SLC38A4: variants seen among roughly 807,000 people sequenced by gnomAD.
SLC38A4 encodes sodium-coupled neutral amino acid transporter 4.
Under a neutral mutation model 63.1 loss-of-function variants are expected in SLC38A4, and 20 were observed. The ratio of observed to expected loss-of-function variants is 0.32; its 90% CI spans 0.22 to 0.46. The LOEUF (loss-of-function observed/expected upper bound fraction) is 0.46, where lower values mean the gene tolerates loss of function less well. Among genes scored for constraint, SLC38A4 ranks in the 20% least tolerant of loss-of-function variants. SLC38A4 has a pLI of 1.00. For synonymous variants in SLC38A4, 230 were observed against 225.5 expected (o/e 1.02, Z -0.18); for missense variants, 526 against 663.6 (o/e 0.79, Z 2.28).
chr12:46,826,009 A>C (rs914006859), upstream of SLC38A4: 2 of 152,266 alleles, frequency 1.3e-5, no homozygotes, highest in Non-Finnish European at 2.9e-5. Context: ...GCCGCCCAGG[A>C]CGTGCGGTCA....
chr12:46,821,539 C>G (rs1939550976), intron 1 of SLC38A4, among the ~76,000 whole-genome samples: 1 of 151,948 alleles, frequency 6.6e-6, no homozygotes, highest in Non-Finnish European at 1.5e-5. Context: ...ATGCCAATAC[C>G]ATACAGCTTT....
chr12:46,823,424 A>G (rs544082958), intron 1 of SLC38A4, among the ~76,000 whole-genome samples: 2 of 152,358 alleles, frequency 1.3e-5, no homozygotes, highest in East Asian at 3.9e-4. Context: ...GACTCAGAAA[A>G]GCAGATCTAC....
chr12:46,784,563 T>A lies in SLC38A4; in HGVS notation c.472A>T (p.Ile158Phe). Reference protein sequence around the residue: ...WPGKIGAFVSITMQNIGAMSS... With the variant: ...WPGKIGAFVSFTMQNIGAMSS... The stretch of plus-strand genomic sequence containing the variant: ...TTACCTCCAATGTTCTGCATTGTAA[T>A]GGAAACAAAAGCTCCAATTTTTCCC... Residue 158 changes from isoleucine to phenylalanine, a missense_variant, in exon 7 of 17, where the codon ATT (isoleucine) becomes TTT (phenylalanine). By Grantham distance (21) the Ile-to-Phe change is conservative (BLOSUM62 0). Transcript: ENST00000266579. 2 of 1,612,948 alleles carry A rather than the reference T, an allele frequency of 1.2e-6. No homozygotes were observed. The highest frequency in any genetic ancestry group is 1.7e-6 in the Non-Finnish European group (2 of 1,179,352).
At chr12:46,819,562 T>C (rs748172063) in intron 1 of SLC38A4, among the ~76,000 whole-genome samples, 7 of 151,928 alleles carry the variant, frequency 4.6e-5, no homozygotes, top group Admixed American at 1.3e-4. Flanking sequence ...TTGAGATACA[T>C]AGTGATCATT....
intron 2 of SLC38A4, among the ~76,000 whole-genome samples, chr12:46,800,778 T>G (rs1341365737): frequency 6.6e-6 from 1 of 152,156 alleles, no homozygotes; most frequent in Admixed American, 6.6e-5. Context: ...TCTAGCACAG[T>G]GCCTAGTGTT....
chr12:46,816,683 A>T (rs896157727), intron 1 of SLC38A4, among the ~76,000 whole-genome samples: 2 of 151,854 alleles, frequency 1.3e-5, no homozygotes, highest in African/African-American at 4.8e-5. Context: ...GAAGGTGTGC[A>T]CTCATTTATT....
upstream of SLC38A4, among the ~76,000 whole-genome samples, chr12:46,826,589 A>G (rs1164326220): frequency 6.6e-6 from 1 of 152,202 alleles, no homozygotes; most frequent in East Asian, 1.9e-4. Flanking sequence ...GGTTGGAACT[A>G]TTATTTTCCC....
chr12:46,793,097 A>C lies in SLC38A4; in HGVS notation c.-26T>G. 6.6e-7 allele frequency: 1 copy of C among 1,521,856 alleles called. No individual in the cohort carries two copies. The highest frequency in any genetic ancestry group is 9.1e-7 in the Non-Finnish European group (1 of 1,096,998). 94.3% of individuals were successfully genotyped at this position (1,521,856 alleles called of 1,614,324 possible). A position where few individuals can be genotyped will look rare whatever the true frequency, so the allele number is the denominator to read the frequency against. The stretch of plus-strand genomic sequence containing the variant: ...TTGAGCTGTCAGCGCTTTCTTGTCC[A>C]CACACAAGCCCCTTCAGTGTAAATA... On this transcript the variant is annotated 5_prime_UTR_variant, in exon 3 of 17. Transcript: ENST00000266579.
At chr12:46,804,305 A>G (rs1213962598) in intron 1 of SLC38A4, among the ~76,000 whole-genome samples, 1 of 151,976 alleles carries the variant, frequency 6.6e-6, no homozygotes, top group East Asian at 1.9e-4. Context: ...AGAATTTTTA[A>G]GTAGGTATTT....
At chr12:46,800,283 G>C (rs17097332) in intron 2 of SLC38A4, among the ~76,000 whole-genome samples, 19,916 of 151,976 alleles carry the variant, frequency 0.13, 2,296 homozygotes, top group African/African-American at 0.32. Context: ...AAACGACTGC[G>C]CTACTGAAGG....
rs1489385010 is a variant in SLC38A4 at position 46,785,738 on chromosome 12, C to CCTTTTTTTTTTTTTTTTTTTTTTTTTTT, written c.327-562_327-561insAAAAAAAAAAAAAAAAAAAAAAAAAAAG. ...AGCTAAGGATGGGGCACGAAAATTCCTTTTTTTTTTTTTTTTTTTTTTTTG... is the reference window on the plus strand; with the variant it reads ...AGCTAAGGATGGGGCACGAAAATTCCCTTTTTTTTTTTTTTTTTTTTTTTTTTTTTTTTTTTTTTTTTTTTTTTTTTTG... On this transcript the variant is annotated intron_variant, in intron 5 of 16. Transcript: ENST00000266579. Among the ~76,000 whole-genome samples, 2 of 66,900 alleles carry CCTTTTTTTTTTTTTTTTTTTTTTTTTTT rather than the reference C, an allele frequency of 3.0e-5. 1 individual carries two copies. The allele number at this position is 66,900 out of a possible 152,430, so 43.9% of individuals were successfully genotyped here.
At chr12:46,773,581 G>A (rs1440565808) in intron 14 of SLC38A4, among the ~76,000 whole-genome samples, 1 of 152,060 alleles carries the variant, frequency 6.6e-6, no homozygotes, top group Non-Finnish European at 1.5e-5. Flanking sequence ...ATTTATATCA[G>A]TGCTTTATTT....
chr12:46,798,100 A>G (rs74086110), intron 2 of SLC38A4, among the ~76,000 whole-genome samples: 9,550 of 152,118 alleles, frequency 0.063, 1,013 homozygotes, highest in African/African-American at 0.22. Flanking sequence ...TTGATCTTCA[A>G]TTCTCTTTTG....
intron 1 of SLC38A4, among the ~76,000 whole-genome samples, chr12:46,821,077 A>G (rs1247165195): frequency 6.6e-6 from 1 of 152,032 alleles, no homozygotes; most frequent in East Asian, 1.9e-4. Context: ...CATCAGATAC[A>G]TGGTTTGCAA....
intron 1 of SLC38A4, among the ~76,000 whole-genome samples, chr12:46,805,625 A>C (rs1185966162): frequency 2.0e-5 from 3 of 152,086 alleles, no homozygotes; most frequent in Non-Finnish European, 4.4e-5. Flanking sequence ...CGCATTTGCT[A>C]ATAGACTTGT....
chr12:46,804,807 C>T (rs112186487), intron 1 of SLC38A4, among the ~76,000 whole-genome samples: 4,450 of 151,878 alleles, frequency 0.029, 101 homozygotes, highest in South Asian at 0.082. Context: ...TTTTATCAGA[C>T]GAGAAGTATT....
chr12:46,827,626 TA>T (rs1939677016), upstream of SLC38A4, among the ~76,000 whole-genome samples: 1 of 152,020 alleles, frequency 6.6e-6, no homozygotes, highest in Non-Finnish European at 1.5e-5. Flanking sequence ...ATATAGCCAT[TA>T]AAAACTAAAA....
At chr12:46,785,561 A>G (rs975748837) in intron 5 of SLC38A4, among the ~76,000 whole-genome samples, 2 of 152,110 alleles carry the variant, frequency 1.3e-5, no homozygotes, top group African/African-American at 4.8e-5. Flanking sequence ...GCTATTCAAT[A>G]GCCTGACTAA....
chr12:46,787,217 G>C (rs533932619), intron 5 of SLC38A4, among the ~76,000 whole-genome samples: 5 of 152,340 alleles, frequency 3.3e-5, no homozygotes, highest in African/African-American at 1.2e-4. Context: ...TTTGGAGGTA[G>C]AGACATTGGT....
Sources: gnomAD v4.1 joint callset for allele counts (sites outside exome capture counted in the v4.1 genomes callset) on GRCh38, gnomAD v4.1.1 for gene constraint, MANE v1.5 for transcripts, NCBI Gene and HGNC (gene_info 2026-07-23, HGNC 2026-07-21) for gene names.